Variants in FAM3D observed in about 807,000 individuals in gnomAD.
FAM3D encodes the protein protein FAM3D.
In FAM3D, 26 loss-of-function variants were observed where a neutral mutation model predicts 29.8. That is an observed-to-expected ratio of 0.87 (90% CI 0.64 to 1.21). The LOEUF is 1.21. Ranked by LOEUF, FAM3D falls within the 50% of genes most tolerant of loss-of-function variation. The pLI is 0.00. For synonymous variants in FAM3D, 115 were observed against 102.3 expected, an observed-to-expected ratio of 1.12 and a Z score of -0.75; for missense variants, 253 against 290.9, an observed-to-expected ratio of 0.87 and a Z score of 0.95.
At chr3:58,647,106 A>T (rs2066505585) in intron 4 of FAM3D, among the ~76,000 whole-genome samples, 1 of 152,214 alleles carries the variant, frequency 6.6e-6, no homozygotes, top group Non-Finnish European at 1.5e-5. Context: ...TCCACTGAGC[A>T]GGCAACCCTG....
At chr3:58,659,502 A>G (rs919959283) in intron 1 of FAM3D, among the ~76,000 whole-genome samples, 1 of 152,188 alleles carries the variant, frequency 6.6e-6, no homozygotes, top group Non-Finnish European at 1.5e-5. Flanking sequence ...ACCCTGGTGG[A>G]GAAAGAAGTG....
In FAM3D at chr3:58,645,432, C is replaced by G; in HGVS notation, c.263+77G>C. The G allele has an allele frequency of 1.6e-5, 19 of 1,195,058 alleles. 1 individual carries two copies. In the South Asian group the frequency reaches 3.4e-4, roughly 22 times the overall value. The allele number at this position is 1,195,058 out of a possible 1,614,324, so 74.0% of individuals were successfully genotyped here. ...TGGTCTCACAGGCCAGCCCCTGCAG[C>G]CTCTGAGTTTTTTAATGAATGAATG... is the stretch of plus-strand genomic sequence containing the variant. On this transcript the variant is annotated intron_variant, in intron 5 of 9. Coordinates refer to ENST00000358781, the MANE Select transcript of FAM3D (RefSeq NM_138805.3).
chr3:58,662,051 T>C (rs1575494926), intron 1 of FAM3D, among the ~76,000 whole-genome samples: 1 of 152,182 alleles, frequency 6.6e-6, no homozygotes. Flanking sequence ...TGCAGGTCCA[T>C]TAGCCCCAGA....
chr3:58,638,211 C>T (rs1417172643), intron 7 of FAM3D, among the ~76,000 whole-genome samples: 6 of 152,128 alleles, frequency 3.9e-5, no homozygotes, highest in Admixed American at 2.6e-4. Flanking sequence ...TTTATGGTCA[C>T]CTTCCCTGCA....
chr3:58,656,805 G>A (rs2066815870), intron 1 of FAM3D, among the ~76,000 whole-genome samples: 2 of 152,214 alleles, frequency 1.3e-5, no homozygotes, highest in African/African-American at 4.8e-5. Context: ...GCCTGGCACA[G>A]CCCCCAACAC....
chr3:58,645,090 G>A (rs1165001253), intron 5 of FAM3D, among the ~76,000 whole-genome samples: 1 of 152,178 alleles, frequency 6.6e-6, no homozygotes, highest in Admixed American at 6.5e-5. Context: ...CCTGGTGCCT[G>A]CTATATCTGG....
chr3:58,658,804 C>T (rs1048083040), intron 1 of FAM3D, among the ~76,000 whole-genome samples: 2 of 152,200 alleles, frequency 1.3e-5, no homozygotes, highest in African/African-American at 4.8e-5. Context: ...GAGAGGCTCT[C>T]TTCTCCCTGG....
In FAM3D at chr3:58,645,592, G is replaced by A. The variant is rs769339261; in HGVS notation, c.180C>T (p.Pro60=). ...TAAACGCAAAGTAGTTGGCTGGGCA[G>A]GGCTTGATGAGGCCACACTTGTACT... is the stretch of plus-strand genomic sequence containing the variant. ...VKKYKCGLIK[P]CPANYFAFKI... Residue 60 remains proline (P), a synonymous_variant, in exon 5 of 10, where the codon CCC becomes CCT. Coordinates refer to ENST00000358781, the MANE Select transcript of FAM3D (RefSeq NM_138805.3). The A allele has an allele frequency of 1.9e-6, 3 of 1,614,256 alleles. No individual in the cohort carries two copies. Among genetic ancestry groups the A allele is most frequent in the Non-Finnish European group, 2.5e-6 (3 of 1,180,044 alleles).
In FAM3D at chr3:58,636,352, C is replaced by T. The variant is rs768860966; in HGVS notation, c.527G>A (p.Arg176Gln). Residue 176 changes from arginine (R) to glutamine (Q), a missense_variant, in exon 9 of 10, where the codon CGG (arginine) becomes CAG (glutamine). Physicochemically the swap from Arg to Gln is conservative, Grantham distance 43. Coordinates refer to ENST00000358781, the MANE Select transcript of FAM3D (RefSeq NM_138805.3). ...GSSYAKQLGF[R>Q]DSWVFIGAKD... ...GGCTCCTATGAAGACCCAGCTGTCCCGGAAGCCCAGTTGTTTTGCGTAGGA... is the reference window on the plus strand; with the variant it reads ...GGCTCCTATGAAGACCCAGCTGTCCTGGAAGCCCAGTTGTTTTGCGTAGGA... 1.7e-5 allele frequency: 28 copies of T among 1,614,180 alleles called. No homozygotes were observed. Among genetic ancestry groups the T allele is most frequent in the South Asian group, 6.6e-5 (6 of 91,080 alleles).
chr3:58,644,368 A>G (rs1338637689), intron 5 of FAM3D, among the ~76,000 whole-genome samples: 1 of 152,206 alleles, frequency 6.6e-6, no homozygotes, highest in African/African-American at 2.4e-5. Flanking sequence ...TTCTCATGAT[A>G]GTGAGTAAAT....
At chr3:58,642,231 C>A (rs2066354391) in intron 6 of FAM3D, among the ~76,000 whole-genome samples, 1 of 152,224 alleles carries the variant, frequency 6.6e-6, no homozygotes, top group African/African-American at 2.4e-5. Flanking sequence ...TTGGCCAGGG[C>A]TGTCCTCTGA....
At chr3:58,647,309 T>G (rs549367380) in intron 4 of FAM3D, among the ~76,000 whole-genome samples, 2 of 152,272 alleles carry the variant, frequency 1.3e-5, no homozygotes, top group South Asian at 4.1e-4. Context: ...AGGGCCGGGC[T>G]GGGGGTGGAC....
At chr3:58,664,833 C>T (rs532208162) in intron 1 of FAM3D, among the ~76,000 whole-genome samples, 11 of 152,232 alleles carry the variant, frequency 7.2e-5, no homozygotes, top group Non-Finnish European at 1.5e-4. Flanking sequence ...TCCAGGGCAC[C>T]TGCCCTCTGG....
intron 1 of FAM3D, among the ~76,000 whole-genome samples, chr3:58,664,443 G>C (rs2066991620): frequency 6.6e-6 from 1 of 152,200 alleles, no homozygotes; most frequent in Non-Finnish European, 1.5e-5. Flanking sequence ...GTTCCATGCA[G>C]ACTGCCTGGT....
At chr3:58,643,561 G>A in intron 6 of FAM3D, 101 bp downstream of exon 6, 1 of 1,244,374 alleles carries the variant, frequency 8.0e-7, no homozygotes, top group Non-Finnish European at 1.2e-6. Context: ...TTCCTGCCAT[G>A]AGGTAGGAGC....
chr3:58,653,743 T>C lies in FAM3D; in HGVS notation c.52A>G (p.Thr18Ala). 1 of 1,614,070 alleles carries C rather than the reference T, an allele frequency of 6.2e-7. No homozygotes were observed. The change falls in exon 3 of 10, where the codon ACG (threonine) becomes GCG (alanine). Residue 18 changes from threonine to alanine, a missense_variant. By Grantham distance (58) the Thr-to-Ala change is moderately conservative (BLOSUM62 0). Coordinates refer to ENST00000358781, the MANE Select transcript of FAM3D (RefSeq NM_138805.3). The stretch of plus-strand genomic sequence containing the variant: ...TAGCTTCGAATAAACATCCATGTCG[T>C]GACTATGGCAAAGATGAGGGCCAGG... ...RLLALIFAIV[T>A]TWMFIRSYMS... is the part of the protein sequence containing the mutation.
intron 3 of FAM3D, among the ~76,000 whole-genome samples, chr3:58,650,116 A>G (rs764794581): frequency 7.2e-5 from 11 of 152,170 alleles, no homozygotes; most frequent in South Asian, 2.1e-4. Flanking sequence ...GTGGTTCTAC[A>G]TCGTATCTCC....
chr3:58,643,033 G>C (rs2066377420), intron 6 of FAM3D, among the ~76,000 whole-genome samples: 1 of 152,192 alleles, frequency 6.6e-6, no homozygotes. Context: ...TCAGGCCTTA[G>C]CTGGCCATCA....
chr3:58,661,209 C>A (rs185887405), intron 1 of FAM3D, among the ~76,000 whole-genome samples: 42 of 152,304 alleles, frequency 2.8e-4, no homozygotes, highest in Admixed American at 2.3e-3. Flanking sequence ...GGTGTGGCCT[C>A]TTTTAGCTCT....
Sources: allele counts gnomAD v4.1 joint callset (sites outside exome capture counted in the v4.1 genomes callset), GRCh38; gene constraint gnomAD v4.1.1; transcripts MANE v1.5; gene names NCBI Gene and HGNC (gene_info 2026-07-23, HGNC 2026-07-21).